The following MLLT3 variants were observed in gnomAD, a reference collection of about 807,000 sequenced individuals.
The protein encoded by MLLT3 is protein AF-9.
MLLT3 carries 4 observed loss-of-function variants against 53.2 expected under a neutral mutation model. The ratio of observed to expected loss-of-function variants is 0.08; its 90% CI spans 0.04 to 0.17. MLLT3 has a LOEUF of 0.17. Among genes scored for constraint, MLLT3 ranks in the 10% least tolerant of loss-of-function variants. The pLI is 1.00. For missense variants in MLLT3, 569 were observed against 684.0 expected (o/e 0.83, Z 1.87); for synonymous variants, 283 against 230.6 (o/e 1.23, Z -2.06).
At chr9:20,407,175 T>A (rs1047294855) in intron 5 of MLLT3, among the ~76,000 whole-genome samples, 2 of 151,950 alleles carry the variant, frequency 1.3e-5, no homozygotes, top group African/African-American at 2.4e-5. Context: ...CAGAAAGGAG[T>A]CTCCAAACTG....
intron 2 of MLLT3, among the ~76,000 whole-genome samples, chr9:20,582,325 A>G (rs2131175635): frequency 6.6e-6 from 1 of 152,216 alleles, no homozygotes; most frequent in Non-Finnish European, 1.5e-5. Context: ...TCATGTAACC[A>G]CTCATAACAG....
chr9:20,594,244 G>C (rs940242792), intron 2 of MLLT3, among the ~76,000 whole-genome samples: 1 of 151,948 alleles, frequency 6.6e-6, no homozygotes, highest in African/African-American at 2.4e-5. Context: ...CCCAACCAAT[G>C]TTCTCTTAAA....
chr9:20,550,853 G>A (rs1818908425), intron 2 of MLLT3, among the ~76,000 whole-genome samples: 1 of 152,096 alleles, frequency 6.6e-6, no homozygotes, highest in African/African-American at 2.4e-5. Flanking sequence ...AACCTCCTGG[G>A]CTCAAGCAAT....
chr9:20,578,082 T>G (rs945317260), intron 2 of MLLT3, among the ~76,000 whole-genome samples: 3 of 152,152 alleles, frequency 2.0e-5, no homozygotes, highest in Non-Finnish European at 4.4e-5. Flanking sequence ...TTCCTATCAT[T>G]TGCAAAAGGA....
intron 2 of MLLT3, among the ~76,000 whole-genome samples, chr9:20,593,136 G>C (rs1820169912): frequency 6.6e-6 from 1 of 152,116 alleles, no homozygotes; most frequent in Non-Finnish European, 1.5e-5. Flanking sequence ...CTCTTCAGAA[G>C]CCACAAGCAT....
intron 2 of MLLT3, among the ~76,000 whole-genome samples, chr9:20,556,906 G>A (rs946554828): frequency 1.3e-5 from 2 of 151,930 alleles, no homozygotes; most frequent in South Asian, 2.1e-4. Flanking sequence ...CCCAAATTAC[G>A]TATTTTGAAA....
intron 4 of MLLT3, among the ~76,000 whole-genome samples, chr9:20,418,791 G>C (rs1437557603): frequency 2.6e-5 from 4 of 152,088 alleles, no homozygotes; most frequent in Non-Finnish European, 4.4e-5. Flanking sequence ...GCTTCCAGGA[G>C]AGTTTCACGC....
chr9:20,565,992 ATATT>A (rs1394867305), intron 2 of MLLT3, among the ~76,000 whole-genome samples: 11 of 124,806 alleles, frequency 8.8e-5, no homozygotes, highest in African/African-American at 2.9e-4. Flanking sequence ...ATTTATTTAT[ATATT>A]TATTTATATA....
intron 5 of MLLT3, among the ~76,000 whole-genome samples, chr9:20,410,331 C>T (rs993938096): frequency 6.6e-6 from 1 of 152,152 alleles, no homozygotes; most frequent in South Asian, 2.1e-4. Context: ...ATAGCAATAG[C>T]TAACTTACAT....
intron 5 of MLLT3, among the ~76,000 whole-genome samples, chr9:20,381,712 G>C (rs1821912595): frequency 1.3e-5 from 2 of 151,516 alleles, no homozygotes; most frequent in African/African-American, 4.8e-5. Flanking sequence ...AGATAACAAG[G>C]GATACTCTGT....
intron 2 of MLLT3, among the ~76,000 whole-genome samples, chr9:20,539,923 G>C (rs541500866): frequency 2.0e-5 from 3 of 152,268 alleles, no homozygotes; most frequent in Non-Finnish European, 4.4e-5. Flanking sequence ...AAACAAATTA[G>C]TTACTTCCAA....
At chr9:20,468,769 A>G (rs1255365047) in intron 2 of MLLT3, among the ~76,000 whole-genome samples, 2 of 152,190 alleles carry the variant, frequency 1.3e-5, no homozygotes, top group Admixed American at 1.3e-4. Context: ...CAAAGGACCG[A>G]CGTCATATAT....
In MLLT3 at chr9:20,352,623, G is replaced by A. The variant is rs144480871; in HGVS notation, c.1575+902C>T. On this transcript the variant is annotated intron_variant, in intron 10 of 10. Coordinates refer to ENST00000380338, the MANE Select transcript of MLLT3 (RefSeq NM_004529.4). ...TTAAAAAGCTTATCAGGCCAGTCAGGAAACTTGGCAAGTTTGAGAGTATAT... is the reference window on the plus strand; with the variant it reads ...TTAAAAAGCTTATCAGGCCAGTCAGAAAACTTGGCAAGTTTGAGAGTATAT... 6.7e-4 allele frequency among the ~76,000 whole-genome samples: 102 copies of A among 151,124 alleles called. 1 individual carries two copies. The East Asian group carries it at 6.8e-3, about 10-fold the overall frequency.
chr9:20,433,268 A>G (rs1418920985), intron 4 of MLLT3, among the ~76,000 whole-genome samples: 3 of 152,218 alleles, frequency 2.0e-5, no homozygotes, highest in Admixed American at 6.5e-5. Context: ...AAGTATGCAA[A>G]GAAACCAGGT....
At chr9:20,468,002 G>A (rs1395796693) in intron 2 of MLLT3, among the ~76,000 whole-genome samples, 1 of 152,194 alleles carries the variant, frequency 6.6e-6, no homozygotes, top group African/African-American at 2.4e-5. Flanking sequence ...TCGAGAGCCA[G>A]AGCCTTTGAG....
In MLLT3 at chr9:20,444,189, CT is replaced by C. The variant is rs1287764495; in HGVS notation, c.420+3933del. Among the ~76,000 whole-genome samples, 3 of 152,146 alleles carry C rather than the reference CT, an allele frequency of 2.0e-5. No homozygotes were observed. In the East Asian group the frequency reaches 5.8e-4, roughly 29 times the overall value. On this transcript the variant is annotated intron_variant, in intron 4 of 10. Transcript: ENST00000380338. Reference sequence around the variant, plus strand: ...GATAAGGGAATAGAGAGAAAATTATCTGTCGTGATCATAAGCCTTTTAATCT... The same window carrying C: ...GATAAGGGAATAGAGAGAAAATTATCGTCGTGATCATAAGCCTTTTAATCT...
chr9:20,586,161 A>T (rs1182485169), intron 2 of MLLT3, among the ~76,000 whole-genome samples: 1 of 152,054 alleles, frequency 6.6e-6, no homozygotes, highest in Non-Finnish European at 1.5e-5. Flanking sequence ...TACAAAAAAA[A>T]TGTTTTAAAT....
At chr9:20,417,605 A>G (rs927850785) in intron 4 of MLLT3, among the ~76,000 whole-genome samples, 2 of 152,096 alleles carry the variant, frequency 1.3e-5, no homozygotes, top group African/African-American at 2.4e-5. Flanking sequence ...GCACGTGTGC[A>G]TAATTCAAAT....
chr9:20,531,102 T>C (rs1223858656), intron 2 of MLLT3, among the ~76,000 whole-genome samples: 1 of 148,626 alleles, frequency 6.7e-6, no homozygotes, highest in Non-Finnish European at 1.5e-5. Flanking sequence ...TTTTGATACA[T>C]TGCCCTTTTT....
Sources: gnomAD v4.1 joint callset for allele counts (sites outside exome capture counted in the v4.1 genomes callset) on GRCh38, gnomAD v4.1.1 for gene constraint, MANE v1.5 for transcripts, NCBI Gene and HGNC (gene_info 2026-07-23, HGNC 2026-07-21) for gene names.